Variants in MND1 observed in about 807,000 individuals in gnomAD.
MND1 encodes the protein meiotic nuclear division protein 1 homolog.
A neutral mutation model predicts 35.1 loss-of-function variants in MND1; 28 were observed. The observed-to-expected ratio is 0.80, with a 90% CI of 0.59 to 1.09. The LOEUF (loss-of-function observed/expected upper bound fraction) is 1.09, where lower values mean the gene tolerates loss of function less well. Among genes scored for constraint, MND1 ranks in the 50% least tolerant of loss-of-function variants. The pLI, the probability that MND1 is intolerant of heterozygous loss-of-function variation, is 0.00. For missense variants in MND1, 213 were observed against 239.6 expected, an observed-to-expected ratio of 0.89 and a Z score of 0.73; for synonymous variants, 69 against 70.5, an observed-to-expected ratio of 0.98 and a Z score of 0.11.
At chr4:153,370,275 C>G (rs1466969006) in intron 4 of MND1, among the ~76,000 whole-genome samples, 3 of 151,872 alleles carry the variant, frequency 2.0e-5, no homozygotes, top group African/African-American at 7.2e-5. Context: ...CAGCCGGACT[C>G]CATCTCAAAA....
At chr4:153,357,227 C>T (rs1053289082) in intron 3 of MND1, among the ~76,000 whole-genome samples, 7 of 152,098 alleles carry the variant, frequency 4.6e-5, no homozygotes, top group African/African-American at 1.7e-4. Context: ...ACCAGACAAC[C>T]ACTGAGAGTC....
chr4:153,376,864 C>CG (rs1561066030), intron 4 of MND1, among the ~76,000 whole-genome samples: 1 of 152,056 alleles, frequency 6.6e-6, no homozygotes. Context: ...GTATCAGTAC[C>CG]TAGCACCGTT....
At chr4:153,414,679 A>G (rs1729785073) in intron 7 of MND1, 72 bp from the exon 8 acceptor site, 2 of 611,830 alleles carry the variant, frequency 3.3e-6, no homozygotes, top group African/African-American at 1.9e-5. Context: ...TAAAAGAACA[A>G]TGAAGATAAT....
chr4:153,383,083 A>G (rs916773474), intron 4 of MND1, among the ~76,000 whole-genome samples: 5 of 152,248 alleles, frequency 3.3e-5, no homozygotes, highest in Non-Finnish European at 7.3e-5. Context: ...CAGTTTTTAT[A>G]ATACATAAAA....
At chr4:153,397,162 T>A (rs1729217539) in intron 5 of MND1, 57 bp from the exon 6 acceptor site, 1 of 1,218,396 alleles carries the variant, frequency 8.2e-7, no homozygotes, top group East Asian at 2.5e-5. Flanking sequence ...ATGTATTACC[T>A]TACAACATAT....
At chr4:153,394,583 A>G (rs1328890565) in intron 5 of MND1, among the ~76,000 whole-genome samples, 1 of 152,166 alleles carries the variant, frequency 6.6e-6, no homozygotes, top group East Asian at 1.9e-4. Context: ...AGTCTCCTAA[A>G]TTCTGTTTTC....
intron 4 of MND1, among the ~76,000 whole-genome samples, chr4:153,375,675 G>A (rs760135687): frequency 3.9e-5 from 6 of 152,154 alleles, no homozygotes; most frequent in African/African-American, 9.6e-5. Flanking sequence ...AAATTTTCCT[G>A]TCAGAATGTT....
At chr4:153,364,137 T>C (rs9999685) in intron 4 of MND1, among the ~76,000 whole-genome samples, 55,657 of 151,882 alleles carry the variant, frequency 0.37, 11,464 homozygotes, top group African/African-American at 0.57. Context: ...AAATTGGAGC[T>C]CTTGTGCACT....
chr4:153,344,848 C>T (rs1773032467), intron 1 of MND1, 108 bp downstream of exon 1: 3 of 1,506,508 alleles, frequency 2.0e-6, no homozygotes, highest in Non-Finnish European at 2.7e-6. Context: ...CCATTCCGGG[C>T]CGCGGGAGCG....
chr4:153,344,935 C>T (rs1348477804), intron 1 of MND1, among the ~76,000 whole-genome samples, 195 bp downstream of exon 1: 12 of 152,146 alleles, frequency 7.9e-5, no homozygotes, highest in Admixed American at 7.8e-4. Context: ...TGCGGCGTTC[C>T]CCGCCGCTCC....
intron 4 of MND1, among the ~76,000 whole-genome samples, chr4:153,367,449 T>A (rs994880885): frequency 6.6e-6 from 1 of 152,228 alleles, no homozygotes; most frequent in Non-Finnish European, 1.5e-5. Flanking sequence ...TGTCATAGTA[T>A]TTTCAAAGTT....
At chr4:153,400,005 C>A (rs142300544) in intron 6 of MND1, among the ~76,000 whole-genome samples, 21 of 141,054 alleles carry the variant, frequency 1.5e-4, no homozygotes, top group Middle Eastern at 4.2e-3. Flanking sequence ...AAGCTCAAGT[C>A]ATTCCCCCAC....
At chr4:153,390,818 A>G (rs1300708067) in intron 4 of MND1, among the ~76,000 whole-genome samples, 5 of 152,076 alleles carry the variant, frequency 3.3e-5, no homozygotes, top group Non-Finnish European at 4.4e-5. Flanking sequence ...ACTGCATTCC[A>G]GCCCCTGTCT....
intron 4 of MND1, among the ~76,000 whole-genome samples, chr4:153,378,687 A>G (rs184706904): frequency 1.4e-4 from 21 of 152,364 alleles, no homozygotes; most frequent in Non-Finnish European, 2.1e-4. Flanking sequence ...CATATATTCT[A>G]TGTTGATACC....
At chr4:153,409,342 A>T (rs1403751697) in intron 7 of MND1, among the ~76,000 whole-genome samples, 1 of 141,018 alleles carries the variant, frequency 7.1e-6, no homozygotes, top group Non-Finnish European at 1.5e-5. Context: ...CTTTTAAGAT[A>T]ATGAAATCTT....
At chr4:153,397,142 T>A in intron 5 of MND1, 77 bp from the exon 6 acceptor site, 1 of 939,522 alleles carries the variant, frequency 1.1e-6, no homozygotes, top group South Asian at 1.8e-5. Flanking sequence ...TAAAATGAAA[T>A]TGTTATAAAA....
intron 1 of MND1, chr4:153,345,257 C>A: frequency 1.2e-6 from 1 of 866,394 alleles, no homozygotes; most frequent in Non-Finnish European, 1.4e-6. Context: ...CCTGGTTTGT[C>A]ACCATTGAGT....
chr4:153,394,097 C>T (rs893550488), intron 4 of MND1, among the ~76,000 whole-genome samples, 165 bp from the exon 5 acceptor site: 1 of 151,698 alleles, frequency 6.6e-6, no homozygotes, highest in African/African-American at 2.4e-5. Flanking sequence ...AAGGTTTCAC[C>T]GTGTTGGCCA....
intron 4 of MND1, among the ~76,000 whole-genome samples, chr4:153,366,135 A>G (rs565966010): frequency 7.9e-5 from 12 of 152,220 alleles, no homozygotes; most frequent in East Asian, 7.7e-4. Flanking sequence ...CATCACTCTA[A>G]TTTCTGCCTC....
Sources: gnomAD v4.1 joint callset for allele counts (sites outside exome capture counted in the v4.1 genomes callset) on GRCh38, gnomAD v4.1.1 for gene constraint, MANE v1.5 for transcripts, NCBI Gene and HGNC (gene_info 2026-07-23, HGNC 2026-07-21) for gene names.